LAMTOR2: variants seen among roughly 807,000 people sequenced by gnomAD.
LAMTOR2 encodes the protein ragulator complex protein LAMTOR2.
In LAMTOR2, 4 loss-of-function variants were observed where a neutral mutation model predicts 15.8. That is an observed-to-expected ratio of 0.25 (90% CI 0.12 to 0.58). LAMTOR2 has a LOEUF of 0.58. LAMTOR2 is among the 20% of genes least tolerant of loss of function. LAMTOR2 has a pLI of 0.91. For missense variants in LAMTOR2, 100 were observed against 161.0 expected, an observed-to-expected ratio of 0.62 and a Z score of 2.05; for synonymous variants, 62 against 64.1, an observed-to-expected ratio of 0.97 and a Z score of 0.15.
In LAMTOR2 at chr1:156,055,556, C is replaced by A; in HGVS notation, c.231+131C>A. ...AAGATTACTAAGAGTTGGTCTGCAG[C>A]AGCATTTGTAATAGGCAGGACCCTA... is the stretch of plus-strand genomic sequence containing the variant. On this transcript the variant is annotated intron_variant, in intron 2 of 3. Transcript: ENST00000368305. The surrounding 1 kb of genome is among the most constrained non-coding windows in gnomAD (Gnocchi z 4.8). 3 of 1,044,898 alleles carry A rather than the reference C, an allele frequency of 2.9e-6. No homozygotes were observed. Among genetic ancestry groups the A allele is most frequent in the Non-Finnish European group, 4.3e-6 (3 of 689,894 alleles). 64.7% of individuals were successfully genotyped at this position (1,044,898 alleles called of 1,614,324 possible). A position where few individuals can be genotyped will look rare whatever the true frequency, so the allele number is the denominator to read the frequency against.
intron 2 of LAMTOR2, among the ~76,000 whole-genome samples, chr1:156,056,168 T>C (rs566443589): frequency 5.3e-5 from 8 of 152,232 alleles, no homozygotes; most frequent in Admixed American, 1.3e-4. Context: ...CACACCTCGC[T>C]AATTTTTGCA....
At chr1:156,057,590 C>T (rs1647417794) in intron 2 of LAMTOR2, among the ~76,000 whole-genome samples, 1 of 152,110 alleles carries the variant, frequency 6.6e-6, no homozygotes, top group African/African-American at 2.4e-5. Context: ...AGTTGGGTTA[C>T]CACTCCCATG....
rs1457692409 is a variant in LAMTOR2 at position 156,055,248 on chromosome 1, C to T, written c.69-15C>T. 2 of 1,613,508 alleles carry T rather than the reference C, an allele frequency of 1.2e-6. No individual in the cohort carries two copies. Among genetic ancestry groups the T allele is most frequent in the Non-Finnish European group, 1.7e-6 (2 of 1,179,978 alleles). ...CGCTCTGAGCACATCGCTATCCCTCCCCGCCCCTCACCAGGCTGCTGAATA... is the reference window on the plus strand; with the variant it reads ...CGCTCTGAGCACATCGCTATCCCTCTCCGCCCCTCACCAGGCTGCTGAATA... On this transcript the variant is annotated splice_polypyrimidine_tract_variant and intron_variant, in intron 1 of 3. Transcript: ENST00000368305. This position sits in a 1 kb window ranked among gnomAD's most constrained non-coding sequence, Gnocchi z 4.8.
chr1:156,054,814 G>A lies in LAMTOR2; in HGVS notation c.-76G>A. ...CCCGGAGCAGGCCAACGGGACTACGGGAAGCAGCGGGCAGCGGCCCGCGGG... is the reference window on the plus strand; with the variant it reads ...CCCGGAGCAGGCCAACGGGACTACGAGAAGCAGCGGGCAGCGGCCCGCGGG... On this transcript the variant is annotated 5_prime_UTR_variant, in exon 1 of 4. Transcript: ENST00000368305. 6.1e-6 allele frequency: 9 copies of A among 1,470,790 alleles called. No individual in the cohort carries two copies. The highest frequency in any genetic ancestry group is 8.5e-6 in the Non-Finnish European group (9 of 1,059,984). 91.1% of individuals were successfully genotyped at this position (1,470,790 alleles called of 1,614,324 possible).
intron 3 of LAMTOR2, 29 bp downstream of exon 3, chr1:156,058,096 C>T: frequency 6.2e-7 from 1 of 1,604,422 alleles, no homozygotes; most frequent in South Asian, 1.1e-5. Context: ...CTCCATAGCC[C>T]TGGGCCCAGC....
Position 156,055,587 on chromosome 1 carries a change from C to G in LAMTOR2, c.231+162C>G. 2.6e-6 allele frequency: 2 copies of G among 773,048 alleles called. No individual in the cohort carries two copies. The highest frequency in any genetic ancestry group is 2.2e-5 in the Admixed American group (1 of 44,974). 47.9% of individuals were successfully genotyped at this position (773,048 alleles called of 1,614,324 possible). A position where few individuals can be genotyped will look rare whatever the true frequency, so the allele number is the denominator to read the frequency against. ...TTGTAATAGGCAGGACCCTATTCATCAAGTGGTGGTGAGGAAGGATCCCTG... is the reference window on the plus strand; with the variant it reads ...TTGTAATAGGCAGGACCCTATTCATGAAGTGGTGGTGAGGAAGGATCCCTG... On this transcript the variant is annotated intron_variant, in intron 2 of 3. Transcript: ENST00000368305. This position sits in a 1 kb window ranked among gnomAD's most constrained non-coding sequence, Gnocchi z 4.8.
intron 2 of LAMTOR2, among the ~76,000 whole-genome samples, chr1:156,056,578 G>T (rs1330649571): frequency 6.6e-6 from 1 of 152,210 alleles, no homozygotes; most frequent in Middle Eastern, 3.2e-3. Flanking sequence ...GGTATGGCTG[G>T]AGTTACGTGA....
chr1:156,057,544 T>G (rs1007610663), intron 2 of LAMTOR2, among the ~76,000 whole-genome samples: 10 of 152,112 alleles, frequency 6.6e-5, no homozygotes, highest in African/African-American at 2.2e-4. Flanking sequence ...ATCTGCAATT[T>G]GAAAAACATT....
At position 156,055,253 on chromosome 1, in the gene LAMTOR2, C is replaced by T; in HGVS notation, c.69-10C>T. The T allele has an allele frequency of 6.2e-7, 1 of 1,613,712 alleles. No homozygotes were observed. Among genetic ancestry groups the T allele is most frequent in the East Asian group, 2.2e-5 (1 of 44,878 alleles). Reference sequence around the variant, plus strand: ...TGAGCACATCGCTATCCCTCCCCGCCCCTCACCAGGCTGCTGAATAACGAG... The same window carrying T: ...TGAGCACATCGCTATCCCTCCCCGCTCCTCACCAGGCTGCTGAATAACGAG... On this transcript the variant is annotated splice_polypyrimidine_tract_variant and intron_variant, in intron 1 of 3. Transcript: ENST00000368305. The surrounding 1 kb of genome is among the most constrained non-coding windows in gnomAD (Gnocchi z 4.8).
At chr1:156,057,925 G>A in intron 2 of LAMTOR2, 53 bp from the exon 3 acceptor site, 1 of 1,514,524 alleles carries the variant, frequency 6.6e-7, no homozygotes, top group South Asian at 1.1e-5. Flanking sequence ...GGGGAAGGAG[G>A]GTGCTAAGGG....
chr1:156,055,571 G>A lies in LAMTOR2; in HGVS notation c.231+146G>A. ...TGGTCTGCAGCAGCATTTGTAATAG[G>A]CAGGACCCTATTCATCAAGTGGTGG... On this transcript the variant is annotated intron_variant, in intron 2 of 3. Transcript: ENST00000368305. This position sits in a 1 kb window ranked among gnomAD's most constrained non-coding sequence, Gnocchi z 4.8. 1.1e-6 allele frequency: 1 copy of A among 871,644 alleles called. No individual in the cohort carries two copies. The highest frequency in any genetic ancestry group is 1.8e-6 in the Non-Finnish European group (1 of 548,060). 54.0% of individuals were successfully genotyped at this position (871,644 alleles called of 1,614,324 possible).
chr1:156,058,179 T>A, intron 3 of LAMTOR2, 112 bp downstream of exon 3: 6 of 1,499,538 alleles, frequency 4.0e-6, no homozygotes, highest in Non-Finnish European at 5.6e-6. Flanking sequence ...CTCAGTCCAT[T>A]TCTGGTGTGG....
Position 156,055,654 on chromosome 1 carries a change from C to T in LAMTOR2, c.231+229C>T. 1 of 577,858 alleles carries T rather than the reference C, an allele frequency of 1.7e-6. No individual in the cohort carries two copies. The highest frequency in any genetic ancestry group is 2.0e-5 in the South Asian group (1 of 50,250). The allele number at this position is 577,858 out of a possible 1,614,324, so 35.8% of individuals were successfully genotyped here. On this transcript the variant is annotated intron_variant, in intron 2 of 3. Transcript: ENST00000368305. This position sits in a 1 kb window ranked among gnomAD's most constrained non-coding sequence, Gnocchi z 4.8. Reference sequence around the variant, plus strand: ...CTTGGGTTCTGGTCTCAGCCATCCACTTATCAGTTGTGGAACCTTGGGTAA... The same window carrying T: ...CTTGGGTTCTGGTCTCAGCCATCCATTTATCAGTTGTGGAACCTTGGGTAA...
Position 156,055,306 on chromosome 1 carries a change from G to C in LAMTOR2, c.112G>C (p.Gly38Arg). ...ATCACTGCTGGCCTACTCTGGTTAC[G>C]GGGACACTGACGCCCGGGTCACCGC... ...EGSLLAYSGY[G>R]DTDARVTAAI... Residue 38 changes from glycine to arginine, a missense_variant, in exon 2 of 4, where the codon GGG (glycine) becomes CGG (arginine). Gly to Arg is a moderately radical substitution (Grantham distance 125). Transcript: ENST00000368305. This position sits in a 1 kb window ranked among gnomAD's most constrained non-coding sequence, Gnocchi z 4.8. The C allele has an allele frequency of 1.2e-6, 2 of 1,614,082 alleles. No individual in the cohort carries two copies. The highest frequency in any genetic ancestry group is 1.7e-6 in the Non-Finnish European group (2 of 1,179,958).
chr1:156,056,404 T>C (rs1363079229), intron 2 of LAMTOR2, among the ~76,000 whole-genome samples: 5 of 152,222 alleles, frequency 3.3e-5, no homozygotes, highest in Non-Finnish European at 5.9e-5. Context: ...TGGGTGTATG[T>C]GTCAGGGACA....
rs1441563444 is a variant in LAMTOR2 at position 156,058,070 on chromosome 1, G to A, written c.321+3G>A. The stretch of plus-strand genomic sequence containing the variant: ...GCTTTGGAATGCTCAAGGCCAAGGT[G>A]TGTATGTGCCCATCCCTCCATAGCC... On this transcript the variant is annotated splice_donor_region_variant and intron_variant, in intron 3 of 3. Coordinates refer to ENST00000368305, the MANE Select transcript of LAMTOR2 (RefSeq NM_014017.4). 6.2e-7 allele frequency: 1 copy of A among 1,614,048 alleles called. No individual in the cohort carries two copies. The highest frequency in any genetic ancestry group is 1.3e-5 in the African/African-American group (1 of 75,060).
rs144032052 is a variant in LAMTOR2 at position 156,057,995 on chromosome 1, C to T, written c.249C>T (p.Ile83=). Reference sequence around the variant, plus strand: ...CCCACCAGGAGGGCCGTGTAGCCATCACCCGAGTGGCCAACCTTCTGCTGT... The same window carrying T: ...CCCACCAGGAGGGCCGTGTAGCCATTACCCGAGTGGCCAACCTTCTGCTGT... ...LMDCMEGRVA[I]TRVANLLLCM... is the part of the protein sequence containing the mutation. The change falls in exon 3 of 4, where the codon ATC becomes ATT. Residue 83 remains isoleucine, a synonymous_variant. Transcript: ENST00000368305. The T allele has an allele frequency of 6.2e-7, 1 of 1,614,180 alleles. No individual in the cohort carries two copies. The highest frequency in any genetic ancestry group is 8.5e-7 in the Non-Finnish European group (1 of 1,180,018).
chr1:156,056,109 T>A (rs1156769511), intron 2 of LAMTOR2: 1 of 153,196 alleles, frequency 6.5e-6, no homozygotes, highest in Non-Finnish European at 1.5e-5. Flanking sequence ...GCTCAGGTGA[T>A]CCTCCTGCCC....
chr1:156,056,163 C>T (rs990133050), intron 2 of LAMTOR2, among the ~76,000 whole-genome samples: 2 of 152,110 alleles, frequency 1.3e-5, no homozygotes, highest in African/African-American at 4.8e-5. Flanking sequence ...ACCACCACAC[C>T]TCGCTAATTT....
Sources: gnomAD v4.1 joint callset for allele counts (sites outside exome capture counted in the v4.1 genomes callset) on GRCh38, gnomAD v4.1.1 for gene constraint, Gnocchi (gnomAD v3.1) non-coding constraint, MANE v1.5 for transcripts, NCBI Gene and HGNC (gene_info 2026-07-23, HGNC 2026-07-21) for gene names.